SGCB: variants seen among roughly 807,000 people sequenced by gnomAD.
The protein encoded by SGCB is beta-sarcoglycan.
In SGCB, 25 loss-of-function variants were observed where a neutral mutation model predicts 27.3. The observed-to-expected ratio is 0.92, with a 90% CI of 0.67 to 1.28. The LOEUF (loss-of-function observed/expected upper bound fraction) is 1.28. Among genes scored for constraint, SGCB ranks in the 50% most tolerant of loss-of-function variants. The pLI is 0.00. For synonymous variants in SGCB, 147 were observed against 133.5 expected (o/e 1.10, Z -0.70); for missense variants, 436 against 402.1 (o/e 1.08, Z -0.72).
Position 52,029,824 on chromosome 4 carries a change from TTGGTCCAA to T in SGCB, c.275_282del (p.Ile92LysfsTer4). The T allele has an allele frequency of 6.2e-7, 1 of 1,613,972 alleles. No individual in the cohort carries two copies. Among genetic ancestry groups the T allele is most frequent in the Non-Finnish European group, 8.5e-7 (1 of 1,179,926 alleles). ...TGAAACTCCATACTATCACAGCCAT[TTGGTCCAA>T]TGCGAATCACGGCCCAAATAACAAG... is the stretch of plus-strand genomic sequence containing the variant. On this transcript the variant is annotated frameshift_variant, in exon 3 of 6. Coordinates refer to ENST00000381431, the MANE Select transcript of SGCB (RefSeq NM_000232.5). LOFTEE classifies it high-confidence loss of function.
In SGCB at chr4:52,021,493, C is replaced by T. The variant is rs946299824; in HGVS notation, c.*2464G>A. 8.5e-5 allele frequency: 13 copies of T among 152,342 alleles called. No homozygotes were observed. The highest frequency in any genetic ancestry group is 3.1e-4 in the African/African-American group (13 of 41,412). The allele number at this position is 152,342 out of a possible 1,614,324, so 9.4% of individuals were successfully genotyped here. On this transcript the variant is annotated 3_prime_UTR_variant, in exon 6 of 6. Transcript: ENST00000381431. ...CCAACATGGTGAAACCCCGTCTCTA[C>T]TAAAAATACAAAAATTAGCCGGGAA... is the stretch of plus-strand genomic sequence containing the variant.
chr4:52,029,577 G>A, intron 3 of SGCB, 101 bp downstream of exon 3: 2 of 724,742 alleles, frequency 2.8e-6, no homozygotes, highest in Non-Finnish European at 2.5e-6. Context: ...TTTTTCTAAG[G>A]GAAAATATCT....
rs2110207661 is a variant in SGCB at position 52,021,383 on chromosome 4, G to C, written c.*2574C>G. 1 of 152,554 alleles carries C rather than the reference G, an allele frequency of 6.6e-6. No individual in the cohort carries two copies. Among genetic ancestry groups the C allele is most frequent in the South Asian group, 2.1e-4 (1 of 4,830 alleles). 9.5% of individuals were successfully genotyped at this position (152,554 alleles called of 1,614,324 possible). A position where few individuals can be genotyped will look rare whatever the true frequency, so the allele number is the denominator to read the frequency against. On this transcript the variant is annotated 3_prime_UTR_variant, in exon 6 of 6. Coordinates refer to ENST00000381431, the MANE Select transcript of SGCB (RefSeq NM_000232.5). ...CTGTGGATAAAAATAAGCCGGCCAG[G>C]CGTGGTGGCTCACACCTGTAATCCC...
intron 2 of SGCB, among the ~76,000 whole-genome samples, chr4:52,032,146 C>T (rs1737265369): frequency 6.6e-6 from 1 of 152,172 alleles, no homozygotes; most frequent in Non-Finnish European, 1.5e-5. Context: ...AGCTGTCTAA[C>T]TGCTGGCTGG....
chr4:52,037,489 G>A (rs1737426089), intron 1 of SGCB, among the ~76,000 whole-genome samples: 1 of 152,118 alleles, frequency 6.6e-6, no homozygotes, highest in African/African-American at 2.4e-5. Context: ...AAGGGGGAAA[G>A]TTACTGAAAA....
chr4:52,032,770 A>G (rs1353154531), intron 2 of SGCB, among the ~76,000 whole-genome samples: 1 of 152,218 alleles, frequency 6.6e-6, no homozygotes, highest in Non-Finnish European at 1.5e-5. Flanking sequence ...ATCAATAATC[A>G]TTCCTTCTGA....
At chr4:52,031,545 C>A (rs1737249503) in intron 2 of SGCB, among the ~76,000 whole-genome samples, 1 of 150,538 alleles carries the variant, frequency 6.6e-6, no homozygotes, top group African/African-American at 2.4e-5. Context: ...AGCCACTGTG[C>A]CTGGCTTGTG....
In SGCB at chr4:52,024,072, TCAC is replaced by T; in HGVS notation, c.839_841del (p.Gly280del). 4 of 1,614,056 alleles carry T rather than the reference TCAC, an allele frequency of 2.5e-6. No homozygotes were observed. Among genetic ancestry groups the T allele is most frequent in the Non-Finnish European group, 3.4e-6 (4 of 1,179,984 alleles). On this transcript the variant is annotated inframe_deletion, in exon 6 of 6. Coordinates refer to ENST00000381431, the MANE Select transcript of SGCB (RefSeq NM_000232.5). The stretch of plus-strand genomic sequence containing the variant: ...CATGCAGAGCTTGTAGCGTACCCAG[TCAC>T]CACTACCCAACTGGTCTCCACTGGA...
In SGCB at chr4:52,033,655, C is replaced by T. The variant is rs1175302320; in HGVS notation, c.34-15G>A. ...TTGGAACTTTGCTAAAAATGAAATA[C>T]AACATAATGGAACAGCTATACCCTC... On this transcript the variant is annotated splice_polypyrimidine_tract_variant and intron_variant, in intron 1 of 5. Transcript: ENST00000381431. The T allele has an allele frequency of 4.4e-6, 7 of 1,590,670 alleles. No individual in the cohort carries two copies. Among genetic ancestry groups the T allele is most frequent in the Admixed American group, 1.7e-5 (1 of 59,996 alleles).
chr4:52,025,518 C>T (rs1020082691), intron 5 of SGCB, among the ~76,000 whole-genome samples: 1 of 152,056 alleles, frequency 6.6e-6, no homozygotes. Context: ...GGAAGAAGCA[C>T]GGAGGGTGAA....
At chr4:52,032,546 T>A (rs1287753926) in intron 2 of SGCB, among the ~76,000 whole-genome samples, 4 of 152,228 alleles carry the variant, frequency 2.6e-5, no homozygotes, top group Non-Finnish European at 5.9e-5. Flanking sequence ...TAAAATAAAA[T>A]GCATTCAGAT....
chr4:52,029,386 C>T (rs1457555789), intron 3 of SGCB, among the ~76,000 whole-genome samples: 1 of 152,138 alleles, frequency 6.6e-6, no homozygotes, highest in East Asian at 1.9e-4. Context: ...CCTATGTATT[C>T]TCATACAAAT....
At chr4:52,025,363 C>T (rs1242862628) in intron 5 of SGCB, among the ~76,000 whole-genome samples, 1 of 33,242 alleles carries the variant, frequency 3.0e-5, no homozygotes, top group Non-Finnish European at 1.9e-4. Flanking sequence ...GATAAGGTCA[C>T]ACATTCCAAC....
Position 52,029,814 on chromosome 4 carries a change from T to G in SGCB, c.293A>C (p.Asp98Ala), listed in dbSNP as rs1481474762. 6.2e-7 allele frequency: 1 copy of G among 1,613,704 alleles called. No individual in the cohort carries two copies. Among genetic ancestry groups the G allele is most frequent in the African/African-American group, 1.3e-5 (1 of 74,874 alleles). Residue 98 changes from aspartate (D) to alanine (A), a missense_variant, in exon 3 of 6, where the codon GAT becomes GCT. Coordinates refer to ENST00000381431, the MANE Select transcript of SGCB (RefSeq NM_000232.5). Reference protein sequence around the residue: ...AVIRIGPNGCDSMEFHESGLL... With the variant: ...AVIRIGPNGCASMEFHESGLL... ...GCCACTTTCATGAAACTCCATACTA[T>G]CACAGCCATTTGGTCCAATGCGAAT... is the stretch of plus-strand genomic sequence containing the variant.
chr4:52,023,839 A>T lies in SGCB; in HGVS notation c.*118T>A. On this transcript the variant is annotated 3_prime_UTR_variant, in exon 6 of 6. Coordinates refer to ENST00000381431, the MANE Select transcript of SGCB (RefSeq NM_000232.5). ...ACTATGTAGACCATAAAACAGATACAGCAGTGCTCTGCCATTAAAATAATT... is the reference window on the plus strand; with the variant it reads ...ACTATGTAGACCATAAAACAGATACTGCAGTGCTCTGCCATTAAAATAATT... 1 of 784,050 alleles carries T rather than the reference A, an allele frequency of 1.3e-6. No homozygotes were observed. The highest frequency in any genetic ancestry group is 1.4e-5 in the South Asian group (1 of 69,510). The allele number at this position is 784,050 out of a possible 1,614,324, so 48.6% of individuals were successfully genotyped here. A position where few individuals can be genotyped will look rare whatever the true frequency, so the allele number is the denominator to read the frequency against.
Position 52,033,523 on chromosome 4 carries a change from G to A in SGCB, c.151C>T (p.Arg51Cys), listed in dbSNP as rs144743676. The A allele has an allele frequency of 3.4e-4, 548 of 1,613,552 alleles. No homozygotes were observed. Among genetic ancestry groups the A allele is most frequent in the Admixed American group, 5.8e-4 (35 of 60,032 alleles). Residue 51 changes from arginine to cysteine, a missense_variant, in exon 2 of 6, where the codon CGT becomes TGT. By Grantham distance (180) the Arg-to-Cys change is radical. Transcript: ENST00000381431. ...CCTCTCAACCCTGTTTTGTGGAGAC[G>A]ATCTTCATCAATCGGAATGTATCCA... is the stretch of plus-strand genomic sequence containing the variant. ...KAGYIPIDEDRLHKTGLRGRK... is the reference protein window; with the variant it reads ...KAGYIPIDEDCLHKTGLRGRK...
At chr4:52,026,496 A>AAG (rs1232278775) in intron 5 of SGCB, among the ~76,000 whole-genome samples, 1 of 151,768 alleles carries the variant, frequency 6.6e-6, no homozygotes, top group African/African-American at 2.4e-5. Flanking sequence ...TGACCTTGTG[A>AAG]TCCACCCGCC....
rs937533250 is a variant in SGCB, at chr4:52,020,821, A to G, written c.*3136T>C. 3 of 152,596 alleles carry G rather than the reference A, an allele frequency of 2.0e-5. No individual in the cohort carries two copies. Among genetic ancestry groups the G allele is most frequent in the Non-Finnish European group, 2.9e-5 (2 of 68,014 alleles). 9.5% of individuals were successfully genotyped at this position (152,596 alleles called of 1,614,324 possible). A position where few individuals can be genotyped will look rare whatever the true frequency, so the allele number is the denominator to read the frequency against. ...ATTTATAGGCTTATTTTTGTATACC[A>G]TAATTGGTAATTTTTGCCCCCTCAA... On this transcript the variant is annotated 3_prime_UTR_variant, in exon 6 of 6. Coordinates refer to ENST00000381431, the MANE Select transcript of SGCB (RefSeq NM_000232.5).
In SGCB at chr4:52,033,538, G is replaced by A; in HGVS notation, c.136C>T (p.Pro46Ser). 6.2e-7 allele frequency: 1 copy of A among 1,613,558 alleles called. No individual in the cohort carries two copies. ...HNSNFKAGYI[P>S]IDEDRLHKTG... ...TTGTGGAGACGATCTTCATCAATCG[G>A]AATGTATCCAGCTTTAAAGTTACTG... is the stretch of plus-strand genomic sequence containing the variant. Residue 46 changes from proline (P) to serine (S), a missense_variant, in exon 2 of 6, where the codon CCG becomes TCG. Transcript: ENST00000381431.
Sources: gnomAD v4.1 joint callset for allele counts (sites outside exome capture counted in the v4.1 genomes callset) on GRCh38, gnomAD v4.1.1 for gene constraint, MANE v1.5 for transcripts, NCBI Gene and HGNC (gene_info 2026-07-23, HGNC 2026-07-21) for gene names.